Variants in PRPSAP1 observed in about 807,000 individuals in gnomAD.
PRPSAP1 encodes phosphoribosyl pyrophosphate synthetase associated protein 1, also known as phosphoribosyl pyrophosphate synthase-associated protein 1.
In PRPSAP1, 31 loss-of-function variants were observed where a neutral mutation model predicts 39.4. That is an observed-to-expected ratio of 0.79 (90% CI 0.59 to 1.06). The LOEUF is 1.06. Ranked by LOEUF, PRPSAP1 falls within the 50% of genes least tolerant of loss-of-function variation. PRPSAP1 has a pLI of 0.00. For synonymous variants in PRPSAP1, 212 were observed against 192.6 expected (o/e 1.10, Z -0.83); for missense variants, 430 against 511.6 (o/e 0.84, Z 1.54).
At chr17:76,346,731 G>A (rs1021832098) in intron 2 of PRPSAP1, among the ~76,000 whole-genome samples, 5 of 152,200 alleles carry the variant, frequency 3.3e-5, no homozygotes, top group Non-Finnish European at 2.9e-5. Context: ...TTTTGGTTGT[G>A]CACTGAAAAA....
chr17:76,326,941 A>AC (rs896657412), intron 7 of PRPSAP1, among the ~76,000 whole-genome samples: 2 of 151,838 alleles, frequency 1.3e-5, no homozygotes, highest in South Asian at 4.2e-4. Context: ...AAAAAAAAAA[A>AC]CCCCATGTAT....
intron 7 of PRPSAP1, among the ~76,000 whole-genome samples, chr17:76,326,458 A>T (rs2143488101): frequency 6.6e-6 from 1 of 152,292 alleles, no homozygotes; most frequent in South Asian, 2.1e-4. Context: ...TAACCAACTT[A>T]TCAGAATGCA....
chr17:76,311,611 T>C lies in PRPSAP1; in HGVS notation c.1089A>G (p.Glu363=). 6.2e-7 allele frequency: 1 copy of C among 1,614,188 alleles called. No homozygotes were observed. The highest frequency in any genetic ancestry group is 8.5e-7 in the Non-Finnish European group (1 of 1,180,020). The part of the protein sequence containing the change: ...KTVDISLILS[E]AIRRIHNGES... ...CTCCATTGTGGATTCTCCGAATGGC[T>C]TCAGAAAGAATCAAACTGATATCCA... is the stretch of plus-strand genomic sequence containing the variant. The change falls in exon 10 of 10, where the codon GAA becomes GAG. Residue 363 remains glutamate (E), a synonymous_variant. Transcript: ENST00000446526.
chr17:76,330,453 T>C, intron 5 of PRPSAP1, 98 bp downstream of exon 5: 2 of 863,238 alleles, frequency 2.3e-6, no homozygotes, highest in East Asian at 2.6e-5. Flanking sequence ...AAGGGAGAGC[T>C]CATTTGATGT....
At chr17:76,353,262 T>C in intron 1 of PRPSAP1, 1 of 435,882 alleles carries the variant, frequency 2.3e-6, no homozygotes. Flanking sequence ...CCCCGGGGTG[T>C]GGGACTGCGG....
intron 3 of PRPSAP1, among the ~76,000 whole-genome samples, chr17:76,336,961 G>A (rs371877206): frequency 5.9e-5 from 9 of 152,298 alleles, no homozygotes; most frequent in East Asian, 5.8e-4. Context: ...CTAGCAGGGC[G>A]AAGGGAAATC....
At chr17:76,345,242 A>AAAAAAG in intron 2 of PRPSAP1, among the ~76,000 whole-genome samples, 1 of 140,446 alleles carries the variant, frequency 7.1e-6, no homozygotes, top group Non-Finnish European at 1.5e-5. Flanking sequence ...CTCATTAAAA[A>AAAAAAG]AAAAAAAAAA....
intron 3 of PRPSAP1, among the ~76,000 whole-genome samples, chr17:76,339,785 T>G (rs2071416519): frequency 6.6e-6 from 1 of 151,806 alleles, no homozygotes; most frequent in African/African-American, 2.4e-5. Context: ...AAGACTCTGC[T>G]ACAACTCTAT....
chr17:76,330,681 CA>C lies in PRPSAP1; in HGVS notation c.464-16del. 6.5e-7 allele frequency: 1 copy of C among 1,543,316 alleles called. No individual in the cohort carries two copies. Among genetic ancestry groups the C allele is most frequent in the Non-Finnish European group, 8.9e-7 (1 of 1,122,896 alleles). On this transcript the variant is annotated splice_polypyrimidine_tract_variant and intron_variant, in intron 4 of 9. Transcript: ENST00000446526. ...GTGAGTTAAACCTGAAATTTTAAAA[CA>C]AAAAATTACAAAGTTCACCCCTACA...
At position 76,348,599 on chromosome 17, in the gene PRPSAP1, CA is replaced by C; in HGVS notation, c.171-19del. The C allele has an allele frequency of 1.3e-6, 2 of 1,519,320 alleles. No homozygotes were observed. The highest frequency in any genetic ancestry group is 2.6e-5 in the East Asian group (1 of 39,140). The allele number at this position is 1,519,320 out of a possible 1,614,324, so 94.1% of individuals were successfully genotyped here. A position where few individuals can be genotyped will look rare whatever the true frequency, so the allele number is the denominator to read the frequency against. Reference sequence around the variant, plus strand: ...CAAGGCGCCTATAGATCAAAAAGAACAAAAAAGGGAAATTAAGATTACTCTT... The same window carrying C: ...CAAGGCGCCTATAGATCAAAAAGAACAAAAAGGGAAATTAAGATTACTCTT... On this transcript the variant is annotated intron_variant, in intron 1 of 9. Transcript: ENST00000446526.
chr17:76,339,586 C>T (rs2071414019), intron 3 of PRPSAP1, among the ~76,000 whole-genome samples: 1 of 151,644 alleles, frequency 6.6e-6, no homozygotes. Context: ...TGCTTTGATG[C>T]TCTTAAACTG....
At position 76,332,449 on chromosome 17, in the gene PRPSAP1, A is replaced by C. The variant is rs780467074; in HGVS notation, c.291-14T>G. On this transcript the variant is annotated splice_polypyrimidine_tract_variant and intron_variant, in intron 3 of 9. Coordinates refer to ENST00000446526, the MANE Select transcript of PRPSAP1 (RefSeq NM_002766.3). ...GTATTCACATCTCTGAAACAGTCAA[A>C]GTTTGTATTTGGGGATTAATTCCAT... 26 of 1,612,928 alleles carry C rather than the reference A, an allele frequency of 1.6e-5. No individual in the cohort carries two copies. In the African/African-American group the frequency reaches 3.3e-4, roughly 21 times the overall value.
At chr17:76,350,532 C>T (rs983337643) in intron 1 of PRPSAP1, among the ~76,000 whole-genome samples, 3 of 151,914 alleles carry the variant, frequency 2.0e-5, no homozygotes, top group African/African-American at 7.3e-5. Flanking sequence ...CACAGACAAA[C>T]GCTATGATTC....
chr17:76,325,045 G>A lies in PRPSAP1; in HGVS notation c.781+3672C>T, dbSNP rs116281914. ...TGAACCACTGCACTCCAGCCTGGACGACAGAGAGAGACTCGTCTCAAAACA... is the reference window on the plus strand; with the variant it reads ...TGAACCACTGCACTCCAGCCTGGACAACAGAGAGAGACTCGTCTCAAAACA... On this transcript the variant is annotated intron_variant, in intron 7 of 9. Transcript: ENST00000446526. 8.8e-3 allele frequency among the ~76,000 whole-genome samples: 1,272 copies of A among 144,676 alleles called. 25 individuals are homozygous for A. Among genetic ancestry groups the A allele is most frequent in the African/African-American group, 0.032 (1,230 of 38,930 alleles). 94.9% of individuals were successfully genotyped at this position (144,676 alleles called of 152,430 possible).
intron 8 of PRPSAP1, chr17:76,313,573 C>A: frequency 2.1e-6 from 1 of 468,694 alleles, no homozygotes; most frequent in Non-Finnish European, 3.8e-6. Flanking sequence ...CTAGAATCCA[C>A]ATGATGAAGG....
At chr17:76,331,748 T>TA (rs1411864519) in intron 4 of PRPSAP1, among the ~76,000 whole-genome samples, 1 of 151,952 alleles carries the variant, frequency 6.6e-6, no homozygotes, top group African/African-American at 2.4e-5. Context: ...AGACATCAGA[T>TA]GAATAGAAAC....
intron 3 of PRPSAP1, among the ~76,000 whole-genome samples, chr17:76,342,099 C>T (rs1378777279): frequency 2.0e-5 from 3 of 152,022 alleles, no homozygotes; most frequent in Non-Finnish European, 4.4e-5. Flanking sequence ...GGGCATGGAC[C>T]CTCACAACCA....
chr17:76,311,369 C>T lies in PRPSAP1; in HGVS notation c.*173G>A. On this transcript the variant is annotated 3_prime_UTR_variant, in exon 10 of 10. Transcript: ENST00000446526. The stretch of plus-strand genomic sequence containing the variant: ...CCATGTTATGATATTTATCCATTAG[C>T]TCTGTCTTCTTCCTGACTCTTTTAA... 4.7e-6 allele frequency: 3 copies of T among 633,548 alleles called. No individual in the cohort carries two copies. Among genetic ancestry groups the T allele is most frequent in the Non-Finnish European group, 7.7e-6 (3 of 389,046 alleles). 39.2% of individuals were successfully genotyped at this position (633,548 alleles called of 1,614,324 possible). A position where few individuals can be genotyped will look rare whatever the true frequency, so the allele number is the denominator to read the frequency against.
intron 1 of PRPSAP1, 68 bp downstream of exon 1, chr17:76,353,466 G>T: frequency 4.3e-6 from 6 of 1,383,998 alleles, no homozygotes; most frequent in Non-Finnish European, 4.7e-6. Context: ...AGGGGAGCGG[G>T]TCCCTCCGGG....
Sources: allele counts gnomAD v4.1 joint callset (sites outside exome capture counted in the v4.1 genomes callset), GRCh38; gene constraint gnomAD v4.1.1; transcripts MANE v1.5; gene names NCBI Gene and HGNC (gene_info 2026-07-23, HGNC 2026-07-21).